CTNNA3: variants seen among roughly 807,000 people sequenced by gnomAD.
CTNNA3 encodes catenin alpha 3, also known as catenin alpha-3.
CTNNA3 carries 76 observed loss-of-function variants against 95.7 expected under a neutral mutation model. That is an observed-to-expected ratio of 0.79 (90% CI 0.66 to 0.96). The LOEUF (loss-of-function observed/expected upper bound fraction) is 0.96, where lower values mean the gene tolerates loss of function less well. Among genes scored for constraint, CTNNA3 ranks in the 40% least tolerant of loss-of-function variants. The pLI, the probability that CTNNA3 is intolerant of heterozygous loss-of-function variation, is 0.00. For missense variants in CTNNA3, 1,191 were observed against 1,089.8 expected, an observed-to-expected ratio of 1.09 and a Z score of -1.31; for synonymous variants, 431 against 374.4, an observed-to-expected ratio of 1.15 and a Z score of -1.74.
intron 15 of CTNNA3, among the ~76,000 whole-genome samples, chr10:66,038,580 A>G (rs1021232754): frequency 1.3e-5 from 2 of 152,196 alleles, no homozygotes; most frequent in Non-Finnish European, 2.9e-5. Context: ...GGAAAATAGG[A>G]CCTGCTGAGT....
intron 3 of CTNNA3, among the ~76,000 whole-genome samples, chr10:67,545,826 A>G (rs574600418): frequency 6.6e-6 from 1 of 152,322 alleles, no homozygotes; most frequent in South Asian, 2.1e-4. Context: ...TAATGAGAAC[A>G]AATATATCTT....
chr10:67,486,915 C>T (rs1409418168), intron 5 of CTNNA3, among the ~76,000 whole-genome samples: 2 of 152,128 alleles, frequency 1.3e-5, no homozygotes, highest in Admixed American at 1.3e-4. Flanking sequence ...CTACTTTCTT[C>T]CAAGGTCTCC....
At chr10:67,340,273 T>C (rs1184307637) in intron 5 of CTNNA3, among the ~76,000 whole-genome samples, 1 of 152,136 alleles carries the variant, frequency 6.6e-6, no homozygotes, top group African/African-American at 2.4e-5. Context: ...TACCAGAATA[T>C]TCCAAAATAA....
chr10:67,477,357 C>A (rs936478622), intron 5 of CTNNA3, among the ~76,000 whole-genome samples: 9 of 152,180 alleles, frequency 5.9e-5, no homozygotes, highest in African/African-American at 2.2e-4. Context: ...ACCCCACCCC[C>A]GGGGGCAAAG....
chr10:66,500,097 G>A (rs1162972803), intron 11 of CTNNA3, among the ~76,000 whole-genome samples: 3 of 151,770 alleles, frequency 2.0e-5, no homozygotes, highest in East Asian at 1.9e-4. Context: ...CACTGCACCC[G>A]GCCAATAGTT....
intron 7 of CTNNA3, among the ~76,000 whole-genome samples, chr10:67,140,654 A>G (rs1051155166): frequency 6.6e-6 from 1 of 152,234 alleles, no homozygotes; most frequent in Non-Finnish European, 1.5e-5. Flanking sequence ...TTAAACTTCA[A>G]TATGGCCCAA....
At chr10:66,882,357 C>T (rs1473681466) in intron 7 of CTNNA3, among the ~76,000 whole-genome samples, 2 of 152,082 alleles carry the variant, frequency 1.3e-5, no homozygotes, top group Non-Finnish European at 2.9e-5. Context: ...CTCAATACAA[C>T]ACAAAGACTG....
chr10:66,901,439 C>T (rs905116985), intron 7 of CTNNA3, among the ~76,000 whole-genome samples: 1 of 152,168 alleles, frequency 6.6e-6, no homozygotes, highest in African/African-American at 2.4e-5. Context: ...ATTCTAAAGA[C>T]CATAGATGCT....
chr10:67,147,030 G>C (rs1398855396), intron 7 of CTNNA3, among the ~76,000 whole-genome samples: 1 of 152,064 alleles, frequency 6.6e-6, no homozygotes, highest in Non-Finnish European at 1.5e-5. Flanking sequence ...CCTCTATAAT[G>C]TTCACACAAT....
At chr10:67,691,635 G>C (rs1840856497) in intron 1 of CTNNA3, among the ~76,000 whole-genome samples, 1 of 151,818 alleles carries the variant, frequency 6.6e-6, no homozygotes, top group Admixed American at 6.5e-5. Flanking sequence ...CGTCTGAGAA[G>C]TGAGGAGCCC....
chr10:67,117,158 C>T (rs1352524810), intron 7 of CTNNA3, among the ~76,000 whole-genome samples: 1 of 151,808 alleles, frequency 6.6e-6, no homozygotes, highest in African/African-American at 2.4e-5. Flanking sequence ...TCAGTTTGAC[C>T]TTCAGCAATG....
chr10:66,231,314 T>C (rs72797256), intron 13 of CTNNA3, among the ~76,000 whole-genome samples: 17,538 of 152,222 alleles, frequency 0.12, 1,083 homozygotes, highest in Middle Eastern at 0.18. Flanking sequence ...TATGATACTA[T>C]ATAACCCTAG....
intron 10 of CTNNA3, among the ~76,000 whole-genome samples, chr10:66,542,535 T>C (rs188533454): frequency 6.6e-6 from 1 of 152,216 alleles, no homozygotes; most frequent in East Asian, 1.9e-4. Context: ...GTGGCACATA[T>C]ACACCATGGA....
At chr10:66,164,161 C>G (rs2085000636) in intron 13 of CTNNA3, among the ~76,000 whole-genome samples, 1 of 152,114 alleles carries the variant, frequency 6.6e-6, no homozygotes, top group South Asian at 2.1e-4. Flanking sequence ...TAAAATTTGT[C>G]TGTAACCAAA....
chr10:65,976,404 C>T (rs1199841256), intron 16 of CTNNA3, among the ~76,000 whole-genome samples: 1 of 152,122 alleles, frequency 6.6e-6, no homozygotes, highest in African/African-American at 2.4e-5. Context: ...CATGCTGTCT[C>T]TATCAAGAGA....
intron 13 of CTNNA3, among the ~76,000 whole-genome samples, chr10:66,247,717 T>C (rs928037656): frequency 6.6e-6 from 1 of 152,022 alleles, no homozygotes; most frequent in African/African-American, 2.4e-5. Context: ...AAGGAAAAAA[T>C]CTTTTACCCT....
chr10:67,661,393 A>G (rs939476102), intron 1 of CTNNA3, among the ~76,000 whole-genome samples: 1 of 152,080 alleles, frequency 6.6e-6, no homozygotes, highest in Non-Finnish European at 1.5e-5. Flanking sequence ...CTTTCTTCAC[A>G]TCACATACAA....
chr10:66,553,885 T>G (rs184702879), intron 10 of CTNNA3, among the ~76,000 whole-genome samples: 5 of 152,252 alleles, frequency 3.3e-5, no homozygotes, highest in Admixed American at 3.3e-4. Flanking sequence ...AATCAATTAA[T>G]CCTATGTTTT....
At chr10:65,951,112 C>G (rs2077603098) in intron 17 of CTNNA3, among the ~76,000 whole-genome samples, 2 of 152,196 alleles carry the variant, frequency 1.3e-5, no homozygotes, top group Non-Finnish European at 2.9e-5. Flanking sequence ...CCTGAAGGAG[C>G]TGATCTCATT....
Sources: gnomAD v4.1 joint callset for allele counts (sites outside exome capture counted in the v4.1 genomes callset) on GRCh38, gnomAD v4.1.1 for gene constraint, MANE v1.5 for transcripts, NCBI Gene and HGNC (gene_info 2026-07-23, HGNC 2026-07-21) for gene names.